BANK1: variants seen among roughly 807,000 people sequenced by gnomAD.
BANK1 encodes B cell scaffold protein with ankyrin repeats 1, also known as B-cell scaffold protein with ankyrin repeats.
In BANK1, 95 loss-of-function variants were observed where a neutral mutation model predicts 94.5. The observed-to-expected ratio is 1.00, with a 90% confidence interval of 0.85 to 1.19. BANK1 has a LOEUF of 1.19. Among genes scored for constraint, BANK1 ranks in the 50% most tolerant of loss-of-function variants. BANK1 has a pLI of 0.00. For synonymous variants in BANK1, 334 were observed against 308.4 expected (o/e 1.08, Z -0.87); for missense variants, 987 against 932.2 (o/e 1.06, Z -0.77).
intron 7 of BANK1, among the ~76,000 whole-genome samples, chr4:101,963,630 T>C (rs1724645698): frequency 1.3e-5 from 2 of 152,166 alleles, no homozygotes; most frequent in South Asian, 4.1e-4. Flanking sequence ...TATTCATTAA[T>C]TCATTTAGGC....
chr4:101,869,325 G>A (rs1232309923), intron 4 of BANK1, among the ~76,000 whole-genome samples: 3 of 151,876 alleles, frequency 2.0e-5, no homozygotes, highest in South Asian at 4.1e-4. Context: ...TACCATATGC[G>A]TACTGCTGTA....
At chr4:101,878,190 C>T (rs1396612356) in intron 5 of BANK1, among the ~76,000 whole-genome samples, 1 of 151,880 alleles carries the variant, frequency 6.6e-6, no homozygotes, top group African/African-American at 2.4e-5. Context: ...AAAAAAAGAC[C>T]TAGTGATCTG....
rs28538316 is a variant in BANK1, at chr4:101,870,835, A to G, written c.903+191A>G. Among the ~76,000 whole-genome samples the G allele has an allele frequency of 7.0e-3, 1,059 of 152,136 alleles. 13 individuals are homozygous for G. Among genetic ancestry groups the G allele is most frequent in the African/African-American group, 0.024 (985 of 41,528 alleles). On this transcript the variant is annotated intron_variant, in intron 5 of 16. Coordinates refer to ENST00000322953, the MANE Select transcript of BANK1 (RefSeq NM_017935.5). ...CAAATTACTTTGCCTAGGTCAAAAA[A>G]AAACAGATAATGTCAATGGAAAACA...
intron 2 of BANK1, among the ~76,000 whole-genome samples, chr4:101,852,070 T>C (rs952823565): frequency 3.9e-5 from 6 of 152,150 alleles, no homozygotes; most frequent in African/African-American, 1.4e-4. Context: ...CCGTTTTCTC[T>C]GTTGTGATGT....
At chr4:101,848,946 A>T (rs7686702) in intron 2 of BANK1, among the ~76,000 whole-genome samples, 82,342 of 151,908 alleles carry the variant, frequency 0.54, 23,471 homozygotes, top group African/African-American at 0.72. Context: ...TTCTAGCTGC[A>T]TCATAGGCTT....
intron 7 of BANK1, among the ~76,000 whole-genome samples, chr4:101,950,060 T>TGCGC (rs1553935108): frequency 3.2e-4 from 44 of 139,482 alleles, no homozygotes; most frequent in East Asian, 1.5e-3. Flanking sequence ...TGTGTGTGTG[T>TGCGC]GCGCGTGCGC....
intron 5 of BANK1, among the ~76,000 whole-genome samples, chr4:101,886,238 G>C (rs1474868060): frequency 6.6e-6 from 1 of 152,212 alleles, no homozygotes; most frequent in Non-Finnish European, 1.5e-5. Context: ...CCAGTTTCAA[G>C]TGATCCACTT....
At chr4:101,965,035 G>A (rs56202597) in intron 7 of BANK1, among the ~76,000 whole-genome samples, 54,743 of 148,856 alleles carry the variant, frequency 0.37, 11,268 homozygotes, top group South Asian at 0.53. Context: ...TTGTTCTTGC[G>A]ATAGTTTACT....
At chr4:101,853,497 G>T (rs189637380) in intron 2 of BANK1, among the ~76,000 whole-genome samples, 7 of 152,078 alleles carry the variant, frequency 4.6e-5, no homozygotes, top group Non-Finnish European at 8.8e-5. Context: ...TTTTCTTGTT[G>T]CAATAAAGAG....
intron 7 of BANK1, among the ~76,000 whole-genome samples, chr4:101,922,009 CGTGTGTGT>C (rs68027862): frequency 3.4e-4 from 44 of 129,448 alleles, no homozygotes; most frequent in South Asian, 1.4e-3. Context: ...ACACTGGGCC[CGTGTGTGT>C]GTGTGTGTGT....
intron 7 of BANK1, among the ~76,000 whole-genome samples, chr4:101,965,637 G>A (rs917672509): frequency 1.3e-5 from 2 of 152,084 alleles, no homozygotes; most frequent in Non-Finnish European, 2.9e-5. Flanking sequence ...TTTATGGTGT[G>A]TGAACCTCAA....
intron 7 of BANK1, among the ~76,000 whole-genome samples, chr4:101,964,050 A>G (rs1339000359): frequency 6.6e-6 from 1 of 152,064 alleles, no homozygotes; most frequent in Admixed American, 6.6e-5. Flanking sequence ...TGGAAGTGGG[A>G]ACTATCATTT....
chr4:102,055,344 T>G (rs1022539809), intron 11 of BANK1, among the ~76,000 whole-genome samples: 2 of 151,976 alleles, frequency 1.3e-5, no homozygotes, highest in African/African-American at 2.4e-5. Context: ...TTAAAAAATC[T>G]TATAAAATAG....
At chr4:102,002,544 TACAC>T (rs10559889) in intron 7 of BANK1, among the ~76,000 whole-genome samples, 63,101 of 147,634 alleles carry the variant, frequency 0.43, 13,771 homozygotes, top group Middle Eastern at 0.52. Flanking sequence ...TTAATACAAA[TACAC>T]ACACACACAC....
chr4:102,040,649 A>G, intron 10 of BANK1, among the ~76,000 whole-genome samples: 1 of 152,048 alleles, frequency 6.6e-6, no homozygotes, highest in African/African-American at 2.4e-5. Context: ...CCACTGGCCT[A>G]TGATTTAAAA....
chr4:101,817,240 G>T (rs894594171), intron 1 of BANK1, among the ~76,000 whole-genome samples: 1 of 152,018 alleles, frequency 6.6e-6, no homozygotes. Context: ...TATGTTCATC[G>T]CAGCATTATT....
At chr4:101,850,128 C>T (rs181286397) in intron 2 of BANK1, among the ~76,000 whole-genome samples, 1 of 152,278 alleles carries the variant, frequency 6.6e-6, no homozygotes, top group East Asian at 1.9e-4. Flanking sequence ...GAATGAAATA[C>T]AATGTCAGTA....
chr4:101,868,706 C>T (rs982591212), intron 4 of BANK1, among the ~76,000 whole-genome samples: 2 of 151,856 alleles, frequency 1.3e-5, no homozygotes, highest in African/African-American at 4.8e-5. Flanking sequence ...AAAATACAGT[C>T]ATCATAGTGA....
chr4:102,015,218 G>T (rs897189201), intron 7 of BANK1, among the ~76,000 whole-genome samples: 5 of 151,746 alleles, frequency 3.3e-5, no homozygotes, highest in African/African-American at 1.2e-4. Flanking sequence ...AGCAATATTT[G>T]AATAAATATA....
Sources: gnomAD v4.1 joint callset for allele counts (sites outside exome capture counted in the v4.1 genomes callset) on GRCh38, gnomAD v4.1.1 for gene constraint, MANE v1.5 for transcripts, NCBI Gene and HGNC (gene_info 2026-07-23, HGNC 2026-07-21) for gene names.